Variants in ABCA13 observed in about 807,000 individuals in gnomAD.
The protein encoded by ABCA13 is ATP binding cassette subfamily A member 13, also known as ATP-binding cassette sub-family A member 13.
ABCA13 carries 476 observed loss-of-function variants against 478.7 expected under a neutral mutation model. That is an observed-to-expected ratio of 0.99 (90% CI 0.92 to 1.07). The LOEUF (loss-of-function observed/expected upper bound fraction) is 1.07. Among genes scored for constraint, ABCA13 ranks in the 50% least tolerant of loss-of-function variants. The pLI, the probability that ABCA13 is intolerant of heterozygous loss-of-function variation, is 0.00. For missense variants in ABCA13, 6,060 were observed against 5,910.6 expected (o/e 1.03, Z -0.83); for synonymous variants, 2,252 against 2,158.9 (o/e 1.04, Z -1.20).
intron 42 of ABCA13, among the ~76,000 whole-genome samples, chr7:48,439,838 T>A (rs1007034493): frequency 6.6e-6 from 1 of 152,114 alleles, no homozygotes; most frequent in Non-Finnish European, 1.5e-5. Context: ...TGTCTTCACC[T>A]TTGTCATATG....
chr7:48,358,035 G>T (rs1810210956), intron 31 of ABCA13, among the ~76,000 whole-genome samples: 1 of 151,302 alleles, frequency 6.6e-6, no homozygotes, highest in South Asian at 2.1e-4. Flanking sequence ...CCAGCTACTC[G>T]GGAGGCTGAG....
intron 55 of ABCA13, among the ~76,000 whole-genome samples, chr7:48,536,126 G>A (rs187771189): frequency 6.6e-6 from 1 of 152,294 alleles, no homozygotes; most frequent in Admixed American, 6.5e-5. Context: ...GGAGCTGCAG[G>A]CTAGTCCTGC....
At chr7:48,306,767 A>G (rs1800959439) in intron 23 of ABCA13, among the ~76,000 whole-genome samples, 1 of 152,240 alleles carries the variant, frequency 6.6e-6, no homozygotes, top group African/African-American at 2.4e-5. Context: ...GCCATTGGTG[A>G]TGATTAATTT....
chr7:48,245,913 G>A lies in ABCA13; in HGVS notation c.1542G>A (p.Glu514=). The A allele has an allele frequency of 1.2e-6, 2 of 1,613,666 alleles. No homozygotes were observed. Among genetic ancestry groups the A allele is most frequent in the South Asian group, 2.2e-5 (2 of 91,016 alleles). ...CGAATGGTCGTTTCTCTGAGAAGGA[G>A]GTCTTTTTGCCGCCTGGAAACTCCA... ...VCPNGRFSEK[E]VFLPPGNSSI... is the part of the protein sequence containing the mutation. The change falls in exon 13 of 62, where the codon GAG becomes GAA. Residue 514 remains glutamate (E), a synonymous_variant. Transcript: ENST00000435803.
intron 50 of ABCA13, 135 bp downstream of exon 50, chr7:48,508,184 G>T: frequency 1.9e-6 from 2 of 1,041,712 alleles, no homozygotes; most frequent in Non-Finnish European, 2.8e-6. Context: ...TTATTGATAA[G>T]AGCATTTCAG....
chr7:48,271,816 T>G lies in ABCA13; in HGVS notation c.2150T>G (p.Met717Arg). 1 of 1,541,764 alleles carries G rather than the reference T, an allele frequency of 6.5e-7. No individual in the cohort carries two copies. Among genetic ancestry groups the G allele is most frequent in the Non-Finnish European group, 8.7e-7 (1 of 1,142,886 alleles). The change falls in exon 17 of 62, where the codon ATG (methionine) becomes AGG (arginine). Residue 717 changes from methionine (M) to arginine (R), a missense_variant. Met to Arg is a moderately conservative substitution (Grantham distance 91, BLOSUM62 -1). Around this residue, in one of 3 missense-constraint regions of ABCA13, gnomAD observed 4,423 missense variants for 4,309.1 expected, o/e 1.03. Coordinates refer to ENST00000435803, the MANE Select transcript of ABCA13 (RefSeq NM_152701.5). ...TTAAATTTCACAAAGCACCTTCTAA[T>G]GATGGAAAAGAAGTTGCACACCCTT... ...RALNFTKHLL[M>R]MEKKLHTLED... is the part of the protein sequence containing the mutation.
At chr7:48,440,473 C>A (rs1823429294) in intron 42 of ABCA13, among the ~76,000 whole-genome samples, 1 of 152,062 alleles carries the variant, frequency 6.6e-6, no homozygotes, top group African/African-American at 2.4e-5. Flanking sequence ...CATAATTGGT[C>A]TCTACATTCT....
chr7:48,206,572 C>T lies in ABCA13; in HGVS notation c.287+8212C>T, dbSNP rs901952568. On this transcript the variant is annotated intron_variant, in intron 3 of 61. Transcript: ENST00000435803. ...ATTTTTCCCATGGGTAAGGATGACC[C>T]AGGATGTTCTTTTCTGTTTTTTTGG... 2.6e-5 allele frequency among the ~76,000 whole-genome samples: 4 copies of T among 151,756 alleles called. No homozygotes were observed. The East Asian group carries it at 7.7e-4, about 29-fold the overall frequency.
rs1284618548 is a variant in ABCA13 at position 48,314,275 on chromosome 7, T to C, written c.9725T>C (p.Phe3242Ser). Residue 3242 changes from phenylalanine (F) to serine (S), a missense_variant, in exon 26 of 62, where the codon TTC becomes TCC. Physicochemically the swap from Phe to Ser is radical, Grantham distance 155. Around this residue, in one of 3 missense-constraint regions of ABCA13, gnomAD observed 4,423 missense variants for 4,309.1 expected, o/e 1.03. Transcript: ENST00000435803. Reference sequence around the variant, plus strand: ...GCCAGAAGTTCAGCTTTTGGTTCTTTCCAGTTTGTGATGAAGATGGTTTGC... The same window carrying C: ...GCCAGAAGTTCAGCTTTTGGTTCTTCCCAGTTTGTGATGAAGATGGTTTGC... The part of the protein sequence containing the change: ...VQARSSAFGS[F>S]QFVMKMVCKD... The C allele has an allele frequency of 1.2e-6, 2 of 1,613,466 alleles. No homozygotes were observed. The highest frequency in any genetic ancestry group is 1.7e-6 in the Non-Finnish European group (2 of 1,179,830).
At position 48,542,437 on chromosome 7, in the gene ABCA13, T is replaced by C. The variant is rs545146949; in HGVS notation, c.14354+14092T>C. Among the ~76,000 whole-genome samples, 65 of 151,908 alleles carry C rather than the reference T, an allele frequency of 4.3e-4. 3 individuals carry two copies. The highest frequency in any genetic ancestry group is 3.9e-4 in the Admixed American group (6 of 15,224). On this transcript the variant is annotated intron_variant, in intron 55 of 61. Transcript: ENST00000435803. ...CTATAAGACATAGTTTAAAAAATAG[T>C]ATGAGTATTTATACTGCTAATTATT... is the stretch of plus-strand genomic sequence containing the variant.
At chr7:48,254,927 C>G (rs971708055) in intron 15 of ABCA13, among the ~76,000 whole-genome samples, 4 of 152,100 alleles carry the variant, frequency 2.6e-5, no homozygotes, top group Non-Finnish European at 5.9e-5. Context: ...CAACAGTTGC[C>G]CACAGTGGAA....
chr7:48,477,778 A>T (rs1828295658), intron 45 of ABCA13, among the ~76,000 whole-genome samples: 1 of 151,012 alleles, frequency 6.6e-6, no homozygotes, highest in South Asian at 2.1e-4. Flanking sequence ...ATTAGGAGAT[A>T]TACTTAATGC....
chr7:48,294,441 TG>T (rs142946547), intron 20 of ABCA13, among the ~76,000 whole-genome samples: 65,631 of 125,500 alleles, frequency 0.52, 16,974 homozygotes, highest in East Asian at 0.84. Context: ...TTTTTTTTTT[TG>T]TTTTGTTTTT....
In ABCA13 at chr7:48,313,113, A is replaced by G; in HGVS notation, c.9563A>G (p.Asp3188Gly). ...AATGGCTTGCTCAACTCCTTGCTGG[A>G]TATAGTTTCCAGCCTCAGCGCCTTG... is the stretch of plus-strand genomic sequence containing the variant. ...EANGLLNSLL[D>G]IVSSLSALLA... The change falls in exon 25 of 62, where the codon GAT becomes GGT. Residue 3188 changes from aspartate to glycine, a missense_variant. By Grantham distance (94) the Asp-to-Gly change is moderately conservative. Around this residue, in one of 3 missense-constraint regions of ABCA13, gnomAD observed 4,423 missense variants for 4,309.1 expected, o/e 1.03. Coordinates refer to ENST00000435803, the MANE Select transcript of ABCA13 (RefSeq NM_152701.5). The G allele has an allele frequency of 1.9e-6, 3 of 1,612,510 alleles. No individual in the cohort carries two copies. Among genetic ancestry groups the G allele is most frequent in the Non-Finnish European group, 2.5e-6 (3 of 1,179,248 alleles).
At chr7:48,425,732 T>C (rs1025822441) in intron 41 of ABCA13, among the ~76,000 whole-genome samples, 8 of 146,100 alleles carry the variant, frequency 5.5e-5, no homozygotes, top group African/African-American at 2.0e-4. Context: ...TAATATGTCT[T>C]ATTTATTTAT....
At chr7:48,520,743 C>G (rs1832489230) in intron 53 of ABCA13, among the ~76,000 whole-genome samples, 1 of 152,190 alleles carries the variant, frequency 6.6e-6, no homozygotes, top group South Asian at 2.1e-4. Context: ...TGATGTTCCC[C>G]TTCCTGTGTC....
chr7:48,294,132 T>G (rs2128822989), intron 20 of ABCA13, among the ~76,000 whole-genome samples: 1 of 152,248 alleles, frequency 6.6e-6, no homozygotes, highest in African/African-American at 2.4e-5. Flanking sequence ...GTGTACAACA[T>G]GATGTTTTGA....
At chr7:48,248,690 G>GT (rs1407891536) in intron 14 of ABCA13, among the ~76,000 whole-genome samples, 2 of 152,156 alleles carry the variant, frequency 1.3e-5, no homozygotes, top group Non-Finnish European at 2.9e-5. Flanking sequence ...AGGATCCCTG[G>GT]TAAGTCCAAG....
intron 31 of ABCA13, among the ~76,000 whole-genome samples, chr7:48,355,520 T>C (rs1809755652): frequency 6.6e-6 from 1 of 152,050 alleles, no homozygotes; most frequent in African/African-American, 2.4e-5. Context: ...TCATCTGACT[T>C]ATACTGTAAA....
Sources: allele counts gnomAD v4.1 joint callset (sites outside exome capture counted in the v4.1 genomes callset), GRCh38; gene constraint gnomAD v4.1.1; regional missense constraint gnomAD v4.1.1; transcripts MANE v1.5; gene names NCBI Gene and HGNC (gene_info 2026-07-23, HGNC 2026-07-21).